CTNNA1: variants seen among roughly 807,000 people sequenced by gnomAD.
CTNNA1 encodes the protein catenin alpha-1.
CTNNA1 carries 37 observed loss-of-function variants against 98.4 expected under a neutral mutation model. The observed-to-expected ratio is 0.38, with a 90% CI of 0.29 to 0.49. CTNNA1 has a LOEUF of 0.49. CTNNA1 is among the 20% of genes least tolerant of loss of function. The pLI, the probability that CTNNA1 is intolerant of heterozygous loss-of-function variation, is 0.95. For synonymous variants in CTNNA1, 404 were observed against 413.2 expected, an observed-to-expected ratio of 0.98 and a Z score of 0.27; for missense variants, 761 against 1,147.2, an observed-to-expected ratio of 0.66 and a Z score of 4.86.
intron 9 of CTNNA1, among the ~76,000 whole-genome samples, chr5:138,892,957 A>G (rs978828522): frequency 3.2e-4 from 49 of 152,300 alleles, no homozygotes; most frequent in African/African-American, 1.1e-3. Context: ...CGGAGGTTGC[A>G]GTAAGCAGAG....
chr5:138,921,085 T>C (rs1222127361), intron 11 of CTNNA1, among the ~76,000 whole-genome samples: 1 of 152,198 alleles, frequency 6.6e-6, no homozygotes, highest in Non-Finnish European at 1.5e-5. Context: ...TCCCAAATGC[T>C]GCCTTGTAAA....
chr5:138,927,710 TAATGAATGAA>T (rs929960281), intron 13 of CTNNA1, among the ~76,000 whole-genome samples: 8 of 150,942 alleles, frequency 5.3e-5, no homozygotes, highest in South Asian at 2.1e-4. Context: ...GGCAGAGAGA[TAATGAATGAA>T]TGAATGAATG....
chr5:138,816,752 G>A (rs1195605489), intron 5 of CTNNA1, among the ~76,000 whole-genome samples: 1 of 151,830 alleles, frequency 6.6e-6, no homozygotes, highest in Non-Finnish European at 1.5e-5. Context: ...TCAGGCTGGA[G>A]TGCAGTGGTG....
chr5:138,792,517 G>A (rs532200420), intron 3 of CTNNA1, among the ~76,000 whole-genome samples: 84 of 152,326 alleles, frequency 5.5e-4, no homozygotes, highest in African/African-American at 1.8e-3. Context: ...AGTTTGAGAC[G>A]TAGACAGGAG....
intron 9 of CTNNA1, among the ~76,000 whole-genome samples, chr5:138,892,897 T>A (rs1226746907): frequency 6.6e-6 from 1 of 151,912 alleles, no homozygotes. Flanking sequence ...GTGCCTGTAA[T>A]CCCAGCTACT....
intron 7 of CTNNA1, among the ~76,000 whole-genome samples, chr5:138,867,747 CTT>C (rs67829407): frequency 1.0e-3 from 148 of 144,152 alleles, no homozygotes; most frequent in East Asian, 8.3e-3. Flanking sequence ...TTCTTTCTTT[CTT>C]TTTTTTTTTT....
chr5:138,776,609 C>T (rs1435606133), intron 1 of CTNNA1, among the ~76,000 whole-genome samples: 1 of 152,162 alleles, frequency 6.6e-6, no homozygotes, highest in African/African-American at 2.4e-5. Context: ...CCTCACTTCC[C>T]AGTAGGAGCG....
chr5:138,888,333 T>A (rs1228964800), intron 9 of CTNNA1, among the ~76,000 whole-genome samples: 2 of 152,226 alleles, frequency 1.3e-5, no homozygotes, highest in Non-Finnish European at 2.9e-5. Context: ...AATTTATTCA[T>A]TATTGCTGTA....
intron 7 of CTNNA1, among the ~76,000 whole-genome samples, chr5:138,863,008 T>TA (rs1764427825): frequency 6.6e-6 from 1 of 152,170 alleles, no homozygotes. Flanking sequence ...CTGTGGTTGT[T>TA]ACTGCTATTA....
chr5:138,932,361 C>T (rs1419471717), intron 16 of CTNNA1: 7 of 1,394,694 alleles, frequency 5.0e-6, no homozygotes, highest in South Asian at 1.7e-5. Flanking sequence ...GCGGCGCAGT[C>T]AGGGTCCCAT....
In CTNNA1 at chr5:138,874,967, G is replaced by A. The variant is rs1199863440; in HGVS notation, c.1063-11245G>A. On this transcript the variant is annotated intron_variant, in intron 7 of 17. Coordinates refer to ENST00000302763, the MANE Select transcript of CTNNA1 (RefSeq NM_001903.5). The surrounding 1 kb of genome is among the most constrained non-coding windows in gnomAD (Gnocchi z 4.1). Reference sequence around the variant, plus strand: ...TCGCGGTTGTTAGACTCAACGCAGTGAGTCTGTAAAAGGCTCTAACATGTA... The same window carrying A: ...TCGCGGTTGTTAGACTCAACGCAGTAAGTCTGTAAAAGGCTCTAACATGTA... 1 of 1,604,280 alleles carries A rather than the reference G, an allele frequency of 6.2e-7. No individual in the cohort carries two copies. Among genetic ancestry groups the A allele is most frequent in the Non-Finnish European group, 8.5e-7 (1 of 1,172,464 alleles).
rs545591713 is a variant in CTNNA1 at position 138,813,232 on chromosome 5, T to TG, written c.588+933dup. The stretch of plus-strand genomic sequence containing the variant: ...CTATCGTCTTCAGTGTGCCTGGCAC[T>TG]GGGTGGCTGCAGAGGCTCTTTGCAT... On this transcript the variant is annotated intron_variant, in intron 5 of 17. Transcript: ENST00000302763. Among the ~76,000 whole-genome samples, 59 of 152,352 alleles carry TG rather than the reference T, an allele frequency of 3.9e-4. 1 individual carries two copies. The East Asian group carries it at 0.011, about 29-fold the overall frequency.
intron 3 of CTNNA1, among the ~76,000 whole-genome samples, chr5:138,804,138 A>G (rs1211322529): frequency 1.3e-5 from 2 of 152,204 alleles, no homozygotes; most frequent in African/African-American, 2.4e-5. Flanking sequence ...CTTAATTGAC[A>G]CTCACAGCAG....
At chr5:138,756,127 C>T (rs1265108709) in intron 1 of CTNNA1, among the ~76,000 whole-genome samples, 4 of 151,884 alleles carry the variant, frequency 2.6e-5, no homozygotes, top group African/African-American at 9.7e-5. Flanking sequence ...CAACCCGTGC[C>T]TCCTGGGTTC....
At chr5:138,887,022 T>C (rs1754214885) in intron 8 of CTNNA1, among the ~76,000 whole-genome samples, 1 of 152,028 alleles carries the variant, frequency 6.6e-6, no homozygotes, top group African/African-American at 2.4e-5. Context: ...TCAGAAATGG[T>C]TATAAAGAGA....
chr5:138,829,916 C>A (rs1224474210), intron 7 of CTNNA1, among the ~76,000 whole-genome samples: 1 of 151,998 alleles, frequency 6.6e-6, no homozygotes, highest in Non-Finnish European at 1.5e-5. Flanking sequence ...CCTGTAATCC[C>A]AGCACTTTGG....
At chr5:138,824,115 G>A (rs1295124823) in intron 5 of CTNNA1, among the ~76,000 whole-genome samples, 2 of 152,060 alleles carry the variant, frequency 1.3e-5, no homozygotes, top group African/African-American at 4.8e-5. Flanking sequence ...CAAGATGCTA[G>A]GCAGTTTGTT....
rs751383463 is a variant in CTNNA1, at chr5:138,874,523, A to G, written c.1063-11689A>G. 2.5e-6 allele frequency: 4 copies of G among 1,589,328 alleles called. No individual in the cohort carries two copies. Among genetic ancestry groups the G allele is most frequent in the Middle Eastern group, 1.7e-4 (1 of 6,006 alleles). ...ACTCATTGCATATATTGCTGCCAGCATAGGGGCCCCTAATGGCCACTTGAA... is the reference window on the plus strand; with the variant it reads ...ACTCATTGCATATATTGCTGCCAGCGTAGGGGCCCCTAATGGCCACTTGAA... On this transcript the variant is annotated intron_variant, in intron 7 of 17. Coordinates refer to ENST00000302763, the MANE Select transcript of CTNNA1 (RefSeq NM_001903.5). This position sits in a 1 kb window ranked among gnomAD's most constrained non-coding sequence, Gnocchi z 4.1.
chr5:138,778,057 A>G (rs1009454367), intron 1 of CTNNA1, among the ~76,000 whole-genome samples: 4 of 131,138 alleles, frequency 3.1e-5, no homozygotes, highest in African/African-American at 1.2e-4. Context: ...CAGTGGCACC[A>G]TCTCCACTCA....
Sources: gnomAD v4.1 joint callset for allele counts (sites outside exome capture counted in the v4.1 genomes callset) on GRCh38, gnomAD v4.1.1 for gene constraint, Gnocchi (gnomAD v3.1) non-coding constraint, MANE v1.5 for transcripts, NCBI Gene and HGNC (gene_info 2026-07-23, HGNC 2026-07-21) for gene names.